Variants in RSKR observed in about 807,000 individuals in gnomAD.
RSKR encodes ribosomal protein S6 kinase-related protein.
RSKR carries 44 observed loss-of-function variants against 56.8 expected under a neutral mutation model. The observed-to-expected ratio is 0.77, with a 90% CI of 0.61 to 1.00. The LOEUF (loss-of-function observed/expected upper bound fraction) is 1.00. Ranked by LOEUF, RSKR falls within the 50% of genes least tolerant of loss-of-function variation. The pLI, the probability that RSKR is intolerant of heterozygous loss-of-function variation, is 0.00. For missense variants in RSKR, 510 were observed against 506.9 expected (o/e 1.01, Z -0.06); for synonymous variants, 181 against 188.0 (o/e 0.96, Z 0.30).
rs1417106164 is a variant in RSKR at position 28,610,637 on chromosome 17, G to C, written c.1074C>G (p.Phe358Leu). 6.5e-7 allele frequency: 1 copy of C among 1,536,130 alleles called. No individual in the cohort carries two copies. Among genetic ancestry groups the C allele is most frequent in the Non-Finnish European group, 8.7e-7 (1 of 1,146,924 alleles). ...RYLHHFQVHP[F>L]FRGVAFDPEL... ...CTGGGTCGAAGGCCACACCCCGAAA[G>C]AAAGGGTGGACCTGGAAGTGATGCA... Residue 358 changes from phenylalanine to leucine, a missense_variant, in exon 12 of 12, where the codon TTC (phenylalanine) becomes TTG (leucine). Physicochemically the swap from Phe to Leu is conservative, Grantham distance 22. Transcript: ENST00000301037.
In RSKR at chr17:28,610,215, G is replaced by A. The variant is rs2070792739; in HGVS notation, c.*263C>T. On this transcript the variant is annotated 3_prime_UTR_variant, in exon 12 of 12. Transcript: ENST00000301037. Reference sequence around the variant, plus strand: ...CAGCCTGAGGGTAAAGAGCACTGGAGAAGTAAAGAAAAGGAAAAGGTCACC... The same window carrying A: ...CAGCCTGAGGGTAAAGAGCACTGGAAAAGTAAAGAAAAGGAAAAGGTCACC... 2.2e-6 allele frequency: 1 copy of A among 449,312 alleles called. No individual in the cohort carries two copies. Among genetic ancestry groups the A allele is most frequent in the Admixed American group, 3.5e-5 (1 of 28,448 alleles). 27.8% of individuals were successfully genotyped at this position (449,312 alleles called of 1,614,324 possible). A position where few individuals can be genotyped will look rare whatever the true frequency, so the allele number is the denominator to read the frequency against.
intron 1 of RSKR, 72 bp downstream of exon 1, chr17:28,614,014 AG>A (rs1348973244): frequency 2.2e-5 from 35 of 1,568,350 alleles, no homozygotes; most frequent in Non-Finnish European, 3.0e-5. Flanking sequence ...GCTCCTAACC[AG>A]GAACTTCCCA....
Position 28,613,570 on chromosome 17 carries a change from T to A in RSKR, c.194A>T (p.His65Leu), listed in dbSNP as rs55712294. ...TGGGGCTGGCTTTAGGGATTCCTGG[T>A]GCAGATAGTGGTGCCCCCGTAGTTC... The part of the protein sequence containing the change: ...LWELRGHHYL[H>L]QESLKPAPVL... Residue 65 changes from histidine to leucine, a missense_variant, in exon 2 of 12, where the codon CAC (histidine) becomes CTC (leucine). Physicochemically the swap from His to Leu is moderately conservative, Grantham distance 99. Coordinates refer to ENST00000301037, the MANE Select transcript of RSKR (RefSeq NM_001174103.2). The A allele has an allele frequency of 0.014, 22,280 of 1,614,194 alleles. 214 individuals are homozygous for A. The highest frequency in any genetic ancestry group is 0.016 in the Non-Finnish European group (19,179 of 1,180,046).
In RSKR at chr17:28,613,595, C is replaced by G; in HGVS notation, c.169G>C (p.Glu57Gln). ...TIRSDLEELWELRGHHYLHQE... is the reference protein window; with the variant it reads ...TIRSDLEELWQLRGHHYLHQE... ...TGCAGATAGTGGTGCCCCCGTAGTTCCCAGAGTTCTTCCAGATCTGACCTG... is the reference window on the plus strand; with the variant it reads ...TGCAGATAGTGGTGCCCCCGTAGTTGCCAGAGTTCTTCCAGATCTGACCTG... The change falls in exon 2 of 12, where the codon GAA (glutamate) becomes CAA (glutamine). Residue 57 changes from glutamate to glutamine, a missense_variant. Transcript: ENST00000301037. 1 of 1,614,118 alleles carries G rather than the reference C, an allele frequency of 6.2e-7. No individual in the cohort carries two copies. The highest frequency in any genetic ancestry group is 8.5e-7 in the Non-Finnish European group (1 of 1,180,020).
intron 11 of RSKR, 40 bp downstream of exon 11, chr17:28,611,103 T>G (rs1226489745): frequency 6.7e-7 from 1 of 1,490,730 alleles, no homozygotes; most frequent in Non-Finnish European, 9.0e-7. Flanking sequence ...AGAGCATTAA[T>G]GGTTTCGTAG....
chr17:28,612,015 G>C, intron 7 of RSKR, 29 bp downstream of exon 7: 1 of 1,614,014 alleles, frequency 6.2e-7, no homozygotes, highest in South Asian at 1.1e-5. Flanking sequence ...CTCTTTCTCA[G>C]ACAAAGGGAA....
intron 3 of RSKR, 54 bp downstream of exon 3, chr17:28,613,208 C>A (rs2070848098): frequency 9.3e-6 from 15 of 1,612,568 alleles, no homozygotes; most frequent in Middle Eastern, 1.6e-4. Flanking sequence ...TTCCTCCCAA[C>A]CTCTCTGGAA....
rs1354345024 is a variant in RSKR, at chr17:28,608,996, G to C, written c.*1482C>G. 2 of 147,468 alleles carry C rather than the reference G, an allele frequency of 1.4e-5. No homozygotes were observed. Among genetic ancestry groups the C allele is most frequent in the African/African-American group, 5.0e-5 (2 of 40,034 alleles). The allele number at this position is 147,468 out of a possible 1,614,324, so 9.1% of individuals were successfully genotyped here. The stretch of plus-strand genomic sequence containing the variant: ...GGTCCAGATGATTTTCCTTACTAAA[G>C]GAAAAGGTTATTGAGATATGTCTCT... On this transcript the variant is annotated 3_prime_UTR_variant, in exon 12 of 12. Transcript: ENST00000301037.
chr17:28,613,025 CCCTA>C lies in RSKR; in HGVS notation c.477+49_477+52del, dbSNP rs757311990. On this transcript the variant is annotated intron_variant, in intron 4 of 11. Coordinates refer to ENST00000301037, the MANE Select transcript of RSKR (RefSeq NM_001174103.2). ...AGAAGGTGGGCAAGAAAGGTACTTT[CCCTA>C]CCTGTGGCCTAGCTCTTCCCACAAT... 9 of 1,580,106 alleles carry C rather than the reference CCCTA, an allele frequency of 5.7e-6. No individual in the cohort carries two copies. In the East Asian group the frequency reaches 8.9e-5, roughly 16 times the overall value.
Position 28,611,500 on chromosome 17 carries a change from C to T in RSKR, c.812-19G>A. On this transcript the variant is annotated intron_variant, in intron 9 of 11. Transcript: ENST00000301037. ...TCTGGGGCTACAGATTTCAAAGATA[C>T]TCATCACAGACATCCTTTAGCTATC... 6.3e-7 allele frequency: 1 copy of T among 1,586,322 alleles called. No homozygotes were observed.
intron 7 of RSKR, 49 bp from the exon 8 acceptor site, chr17:28,611,844 C>T: frequency 6.2e-7 from 1 of 1,613,830 alleles, no homozygotes; most frequent in Non-Finnish European, 8.5e-7. Flanking sequence ...TTTCAACTCT[C>T]TTTCATCATG....
In RSKR at chr17:28,613,070, G is replaced by A. The variant is rs374683391; in HGVS notation, c.477+8C>T. The A allele has an allele frequency of 1.2e-5, 20 of 1,613,740 alleles. No individual in the cohort carries two copies. Among genetic ancestry groups the A allele is most frequent in the Admixed American group, 1.7e-5 (1 of 60,008 alleles). On this transcript the variant is annotated splice_region_variant and intron_variant, in intron 4 of 11. Transcript: ENST00000301037. ...TTCCCACAATCCTTTCCAGGACTCT[G>A]TGCATACCTGGATGCTAACCTCCTC...
At chr17:28,611,013 AGTAGTTAG>A (rs1480804480) in intron 11 of RSKR, 122 bp downstream of exon 11, 1 of 801,928 alleles carries the variant, frequency 1.2e-6, no homozygotes, top group Non-Finnish European at 2.0e-6. Flanking sequence ...TTAGATGGCA[AGTAGTTAG>A]GTAGTTAAGT....
intron 4 of RSKR, 31 bp from the exon 5 acceptor site, chr17:28,612,718 G>C: frequency 6.2e-7 from 1 of 1,607,906 alleles, no homozygotes; most frequent in Non-Finnish European, 8.5e-7. Flanking sequence ...AAGTTAGGGA[G>C]GAACAGGGTC....
At position 28,614,162 on chromosome 17, in the gene RSKR, TC is replaced by T; in HGVS notation, c.-2del. 1.2e-6 allele frequency: 2 copies of T among 1,613,144 alleles called. No individual in the cohort carries two copies. Among genetic ancestry groups the T allele is most frequent in the Non-Finnish European group, 1.7e-6 (2 of 1,179,928 alleles). Reference sequence around the variant, plus strand: ...CCTGCCGACAGCTTACTGCTCCCATTCCCAGCCTCTGCCTCCTCTCTCTGCT... The same window carrying T: ...CCTGCCGACAGCTTACTGCTCCCATTCCAGCCTCTGCCTCCTCTCTCTGCT... On this transcript the variant is annotated 5_prime_UTR_variant, in exon 1 of 12. Transcript: ENST00000301037.
Position 28,614,027 on chromosome 17 carries a change from G to A in RSKR, c.75+60C>T, listed in dbSNP as rs1326338753. 8 of 1,587,360 alleles carry A rather than the reference G, an allele frequency of 5.0e-6. No homozygotes were observed. In the Admixed American group the frequency reaches 8.5e-5, roughly 17 times the overall value. ...ATGCTCCTAACCAGGAACTTCCCAG[G>A]ACTCAAGCCCATGTCTCCCTCTCCT... is the stretch of plus-strand genomic sequence containing the variant. On this transcript the variant is annotated intron_variant, in intron 1 of 11. Coordinates refer to ENST00000301037, the MANE Select transcript of RSKR (RefSeq NM_001174103.2).
In RSKR at chr17:28,611,131, G is replaced by A. The variant is rs1370573703; in HGVS notation, c.1011+12C>T. ...TTTCGTAGCCAAGAAGGAAAGCAGT[G>A]CTCATCCTTACCTCATGGAGCAGGA... On this transcript the variant is annotated intron_variant, in intron 11 of 11. Coordinates refer to ENST00000301037, the MANE Select transcript of RSKR (RefSeq NM_001174103.2). 1.3e-6 allele frequency: 2 copies of A among 1,524,176 alleles called. No individual in the cohort carries two copies. Among genetic ancestry groups the A allele is most frequent in the East Asian group, 4.9e-5 (2 of 40,718 alleles). 94.4% of individuals were successfully genotyped at this position (1,524,176 alleles called of 1,614,324 possible).
chr17:28,610,817 A>G, intron 11 of RSKR, 118 bp from the exon 12 acceptor site: 1 of 989,652 alleles, frequency 1.0e-6, no homozygotes, highest in African/African-American at 1.6e-5. Context: ...AGAACCCTGA[A>G]GAGTAGATGA....
intron 5 of RSKR, 98 bp downstream of exon 5, chr17:28,612,520 G>A (rs2070831793): frequency 6.9e-7 from 1 of 1,441,618 alleles, no homozygotes; most frequent in Non-Finnish European, 9.7e-7. Flanking sequence ...CCATGAGAAG[G>A]GGGACAGAGC....
Sources: gnomAD v4.1 joint callset for allele counts on GRCh38, gnomAD v4.1.1 for gene constraint, MANE v1.5 for transcripts, NCBI Gene and HGNC (gene_info 2026-07-23, HGNC 2026-07-21) for gene names.